TDRD3: variants seen among roughly 807,000 people sequenced by gnomAD.
TDRD3 encodes tudor domain-containing protein 3.
In TDRD3, 45 loss-of-function variants were observed where a neutral mutation model predicts 86.7. The ratio of observed to expected loss-of-function variants is 0.52; its 90% CI spans 0.41 to 0.67. The LOEUF (loss-of-function observed/expected upper bound fraction) is 0.67, where lower values mean the gene tolerates loss of function less well. Ranked by LOEUF, TDRD3 falls within the 30% of genes least tolerant of loss-of-function variation. The pLI, the probability that TDRD3 is intolerant of heterozygous loss-of-function variation, is 0.00. For missense variants in TDRD3, 814 were observed against 889.0 expected (o/e 0.92, Z 1.07); for synonymous variants, 298 against 301.7 (o/e 0.99, Z 0.13).
chr13:60,521,226 T>G (rs905088393), intron 10 of TDRD3, among the ~76,000 whole-genome samples: 3 of 152,216 alleles, frequency 2.0e-5, no homozygotes, highest in Non-Finnish European at 4.4e-5. Context: ...ATTTCAATCT[T>G]GCACCCTTAG....
intron 1 of TDRD3, among the ~76,000 whole-genome samples, chr13:60,438,754 C>G (rs756421980): frequency 3.3e-5 from 5 of 152,016 alleles, no homozygotes; most frequent in Admixed American, 1.3e-4. Flanking sequence ...GGTGGAATTG[C>G]TGTTCATCAA....
intron 11 of TDRD3, 89 bp downstream of exon 11, chr13:60,529,306 G>A: frequency 7.2e-7 from 1 of 1,391,838 alleles, no homozygotes; most frequent in Admixed American, 2.4e-5. Context: ...TTGGAACTAT[G>A]AGTCTTTTTC....
rs1463189371 is a variant in TDRD3, at chr13:60,439,669, ATTTAT to A, written c.42-9_42-5del. Reference sequence around the variant, plus strand: ...TTTTGATTTTAGATAATATTAAGCCATTTATTTTATTTTAACAGGTATCTTTCAGA... The same window carrying A: ...TTTTGATTTTAGATAATATTAAGCCATTTATTTTAACAGGTATCTTTCAGA... On this transcript the variant is annotated splice_polypyrimidine_tract_variant and intron_variant, in intron 1 of 13. Coordinates refer to ENST00000377881, the MANE Select transcript of TDRD3 (RefSeq NM_001146070.2). The A allele has an allele frequency of 6.6e-7, 1 of 1,518,144 alleles. No homozygotes were observed. The highest frequency in any genetic ancestry group is 1.3e-5 in the South Asian group (1 of 77,498). 94.0% of individuals were successfully genotyped at this position (1,518,144 alleles called of 1,614,324 possible). A position where few individuals can be genotyped will look rare whatever the true frequency, so the allele number is the denominator to read the frequency against.
intron 3 of TDRD3, among the ~76,000 whole-genome samples, chr13:60,447,468 T>C (rs1486581477): frequency 1.3e-5 from 2 of 152,174 alleles, no homozygotes; most frequent in East Asian, 1.9e-4. Context: ...TCCAGTACAA[T>C]GCATATGGCA....
chr13:60,459,516 A>G (rs1215104358), intron 3 of TDRD3, among the ~76,000 whole-genome samples: 2 of 152,234 alleles, frequency 1.3e-5, no homozygotes, highest in Non-Finnish European at 2.9e-5. Context: ...AAATATGTCA[A>G]TTACAACTCA....
intron 1 of TDRD3, among the ~76,000 whole-genome samples, chr13:60,397,652 G>A (rs1953964563): frequency 7.1e-6 from 1 of 140,394 alleles, no homozygotes; most frequent in Non-Finnish European, 1.6e-5. Context: ...GGCCCCGGGC[G>A]GCGGGCGGCG....
intron 1 of TDRD3, among the ~76,000 whole-genome samples, chr13:60,408,702 G>T (rs976807839): frequency 1.3e-5 from 2 of 152,164 alleles, no homozygotes; most frequent in African/African-American, 2.4e-5. Context: ...GCATTCAAAA[G>T]GTGACTTGGG....
At chr13:60,512,476 A>C (rs1859968652) in intron 10 of TDRD3, among the ~76,000 whole-genome samples, 1 of 152,148 alleles carries the variant, frequency 6.6e-6, no homozygotes, top group Non-Finnish European at 1.5e-5. Context: ...ATTAACTTAA[A>C]AGTCCACAGT....
At chr13:60,487,896 T>C (rs531242773) in intron 7 of TDRD3, among the ~76,000 whole-genome samples, 26 of 152,336 alleles carry the variant, frequency 1.7e-4, no homozygotes, top group Non-Finnish European at 3.4e-4. Context: ...CAACAGTACA[T>C]AAGAGTTCTT....
At chr13:60,476,764 G>T (rs964312666) in intron 5 of TDRD3, among the ~76,000 whole-genome samples, 1 of 152,070 alleles carries the variant, frequency 6.6e-6, no homozygotes, top group Non-Finnish European at 1.5e-5. Context: ...TCATTGTAGA[G>T]ATCTTTCGCC....
At position 60,485,960 on chromosome 13, in the gene TDRD3, A is replaced by C. The variant is rs756542543; in HGVS notation, c.717+12A>C. ...CAAAGAGCAAGGAAGTAAGAAATCAAATCATTACACGTTTTATTTCTTATC... is the reference window on the plus strand; with the variant it reads ...CAAAGAGCAAGGAAGTAAGAAATCACATCATTACACGTTTTATTTCTTATC... On this transcript the variant is annotated intron_variant, in intron 7 of 13. Transcript: ENST00000377881. The C allele has an allele frequency of 6.3e-7, 1 of 1,592,786 alleles. No homozygotes were observed. The highest frequency in any genetic ancestry group is 1.4e-5 in the African/African-American group (1 of 73,922).
chr13:60,540,388 C>T (rs1224993184), intron 12 of TDRD3, among the ~76,000 whole-genome samples: 1 of 152,144 alleles, frequency 6.6e-6, no homozygotes, highest in Non-Finnish European at 1.5e-5. Flanking sequence ...TTATTTATTT[C>T]TTCCTCATCT....
chr13:60,492,917 CTTTTTTTTT>C lies in TDRD3; in HGVS notation c.718-1507_718-1499del, dbSNP rs71199004. Among the ~76,000 whole-genome samples the C allele has an allele frequency of 6.1e-5, 7 of 115,482 alleles. No homozygotes were observed. In the South Asian group the frequency reaches 1.2e-3, roughly 19 times the overall value. The allele number at this position is 115,482 out of a possible 152,430, so 75.8% of individuals were successfully genotyped here. A position where few individuals can be genotyped will look rare whatever the true frequency, so the allele number is the denominator to read the frequency against. ...CGTTTCAAATAATTTTCTTTCTTTT[CTTTTTTTTT>C]TTTTTTTTTTGAGACGGAGTCTCGC... On this transcript the variant is annotated intron_variant, in intron 7 of 13. Transcript: ENST00000377881.
chr13:60,558,588 T>C (rs1377820249), intron 12 of TDRD3, among the ~76,000 whole-genome samples: 3 of 152,206 alleles, frequency 2.0e-5, no homozygotes, highest in Non-Finnish European at 2.9e-5. Flanking sequence ...TATCTTAAAA[T>C]TTTAAGGGTG....
At chr13:60,526,381 T>C (rs942384956) in intron 10 of TDRD3, among the ~76,000 whole-genome samples, 5 of 152,174 alleles carry the variant, frequency 3.3e-5, no homozygotes, top group Non-Finnish European at 1.5e-5. Flanking sequence ...ATGCTGCTTT[T>C]ATAAAAATGT....
At position 60,509,832 on chromosome 13, in the gene TDRD3, A is replaced by T. The variant is rs938264604; in HGVS notation, c.928A>T (p.Met310Leu). 11 of 1,613,822 alleles carry T rather than the reference A, an allele frequency of 6.8e-6. No homozygotes were observed. In the Admixed American group the frequency reaches 8.3e-5, roughly 12 times the overall value. The change falls in exon 9 of 14, where the codon ATG becomes TTG. Residue 310 changes from methionine (M) to leucine (L), a missense_variant. By Grantham distance (15) the Met-to-Leu change is conservative (BLOSUM62 2). Coordinates refer to ENST00000377881, the MANE Select transcript of TDRD3 (RefSeq NM_001146070.2). ...FSKEASRQAL[M>L]DNGNNLEAAL... is the part of the protein sequence containing the mutation. ...TAAGGAAGCATCGAGGCAAGCTCTT[A>T]TGGATAATGGCAACAACTTAGAAGC...
At chr13:60,459,454 C>A (rs1955755948) in intron 3 of TDRD3, among the ~76,000 whole-genome samples, 1 of 152,130 alleles carries the variant, frequency 6.6e-6, no homozygotes, top group Non-Finnish European at 1.5e-5. Context: ...TATAATACAG[C>A]ATTAGATTTA....
At chr13:60,561,856 C>CA (rs1958339618) in intron 12 of TDRD3, among the ~76,000 whole-genome samples, 1 of 139,494 alleles carries the variant, frequency 7.2e-6, no homozygotes, top group Admixed American at 7.1e-5. Context: ...ACTATGGGCC[C>CA]AGGTTTTTTG....
At chr13:60,499,772 G>A (rs1297437309) in intron 8 of TDRD3, among the ~76,000 whole-genome samples, 1 of 152,182 alleles carries the variant, frequency 6.6e-6, no homozygotes, top group Non-Finnish European at 1.5e-5. Context: ...ATAAGTTGCT[G>A]CATTTATAAC....
Sources: gnomAD v4.1 joint callset for allele counts (sites outside exome capture counted in the v4.1 genomes callset) on GRCh38, gnomAD v4.1.1 for gene constraint, MANE v1.5 for transcripts, NCBI Gene and HGNC (gene_info 2026-07-23, HGNC 2026-07-21) for gene names.